PSMC3IP: variants seen among roughly 807,000 people sequenced by gnomAD.
PSMC3IP encodes PSMC3 interacting protein, also known as homologous-pairing protein 2 homolog.
Under a neutral mutation model 34.9 loss-of-function variants are expected in PSMC3IP, and 26 were observed. The observed-to-expected ratio is 0.74, with a 90% CI of 0.55 to 1.03. The LOEUF (loss-of-function observed/expected upper bound fraction) is 1.03. Among genes scored for constraint, PSMC3IP ranks in the 50% least tolerant of loss-of-function variants. The pLI, the probability that PSMC3IP is intolerant of heterozygous loss-of-function variation, is 0.00. For synonymous variants in PSMC3IP, 87 were observed against 96.5 expected, an observed-to-expected ratio of 0.90 and a Z score of 0.57; for missense variants, 250 against 263.1, an observed-to-expected ratio of 0.95 and a Z score of 0.34.
chr17:42,577,676 C>G lies in PSMC3IP; in HGVS notation c.11G>C (p.Gly4Ala), dbSNP rs1275575754. Residue 4 changes from glycine (G) to alanine (A), a missense_variant, in exon 1 of 8, where the codon GGC (glycine) becomes GCC (alanine). Coordinates refer to ENST00000393795, the MANE Select transcript of PSMC3IP (RefSeq NM_016556.4). Reference protein sequence around the residue: MSKGRAEAAAGAAG... With the variant: MSKARAEAAAGAAG... Reference sequence around the variant, plus strand: ...ACCTCCCGCCGCAGCTTCTGCCCGGCCTTTACTCATCGCCTTTCCCGCCAC... The same window carrying G: ...ACCTCCCGCCGCAGCTTCTGCCCGGGCTTTACTCATCGCCTTTCCCGCCAC... 1.2e-6 allele frequency: 2 copies of G among 1,614,158 alleles called. No individual in the cohort carries two copies. Among genetic ancestry groups the G allele is most frequent in the Admixed American group, 3.3e-5 (2 of 60,022 alleles).
At chr17:42,573,387 T>C (rs777940007) in intron 5 of PSMC3IP, 23 bp from the exon 6 acceptor site, 2 of 1,614,176 alleles carry the variant, frequency 1.2e-6, no homozygotes, top group Admixed American at 3.3e-5. Context: ...AGCAAGTTCC[T>C]CTAACTCCTC....
rs768597835 is a variant in PSMC3IP at position 42,572,908 on chromosome 17, T to C, written c.*60A>G. The C allele has an allele frequency of 6.3e-7, 1 of 1,586,632 alleles. No individual in the cohort carries two copies. The highest frequency in any genetic ancestry group is 1.7e-5 in the Admixed American group (1 of 59,990). On this transcript the variant is annotated 3_prime_UTR_variant, in exon 8 of 8. Transcript: ENST00000393795. Reference sequence around the variant, plus strand: ...AGCCAACCAAAAACAAGGTAGCCAGTGCAAGACATCTCACTCTTCTGACAT... The same window carrying C: ...AGCCAACCAAAAACAAGGTAGCCAGCGCAAGACATCTCACTCTTCTGACAT...
Position 42,572,841 on chromosome 17 carries a change from A to T in PSMC3IP, c.*127T>A. The T allele has an allele frequency of 8.8e-7, 1 of 1,141,840 alleles. No individual in the cohort carries two copies. The highest frequency in any genetic ancestry group is 1.3e-6 in the Non-Finnish European group (1 of 766,920). The allele number at this position is 1,141,840 out of a possible 1,614,324, so 70.7% of individuals were successfully genotyped here. A position where few individuals can be genotyped will look rare whatever the true frequency, so the allele number is the denominator to read the frequency against. On this transcript the variant is annotated 3_prime_UTR_variant, in exon 8 of 8. Transcript: ENST00000393795. The stretch of plus-strand genomic sequence containing the variant: ...TGCTCTGGTTTATGCTTGTCTCCTG[A>T]CTGCTCTGCTTAAAGGTGAAAGTAG...
chr17:42,572,781 A>T lies in PSMC3IP; in HGVS notation c.*187T>A. The stretch of plus-strand genomic sequence containing the variant: ...TTAGACAATGAAATGGGCTGGGTCT[A>T]CCCCCAGCCACCAGCCCTCATCCTC... On this transcript the variant is annotated 3_prime_UTR_variant, in exon 8 of 8. Coordinates refer to ENST00000393795, the MANE Select transcript of PSMC3IP (RefSeq NM_016556.4). 1.4e-6 allele frequency: 1 copy of T among 722,834 alleles called. No homozygotes were observed. Among genetic ancestry groups the T allele is most frequent in the East Asian group, 2.7e-5 (1 of 36,980 alleles). The allele number at this position is 722,834 out of a possible 1,614,324, so 44.8% of individuals were successfully genotyped here. A position where few individuals can be genotyped will look rare whatever the true frequency, so the allele number is the denominator to read the frequency against.
chr17:42,575,512 A>G (rs867840935), intron 3 of PSMC3IP, among the ~76,000 whole-genome samples: 2 of 152,324 alleles, frequency 1.3e-5, no homozygotes, highest in Middle Eastern at 3.4e-3. Flanking sequence ...TTATCTTTAG[A>G]TGAGTAACAC....
At position 42,572,576 on chromosome 17, in the gene PSMC3IP, CCT is replaced by C. The variant is rs1240808244; in HGVS notation, c.*390_*391del. 4.4e-6 allele frequency: 2 copies of C among 453,612 alleles called. No individual in the cohort carries two copies. The highest frequency in any genetic ancestry group is 4.7e-5 in the Admixed American group (2 of 42,452). The allele number at this position is 453,612 out of a possible 1,614,324, so 28.1% of individuals were successfully genotyped here. A position where few individuals can be genotyped will look rare whatever the true frequency, so the allele number is the denominator to read the frequency against. On this transcript the variant is annotated 3_prime_UTR_variant, in exon 8 of 8. Coordinates refer to ENST00000393795, the MANE Select transcript of PSMC3IP (RefSeq NM_016556.4). ...CCTCCAAATGCTCGTTTTATAGCAACCTCTCTCTACCCTAGTTCTCCAAATTC... is the reference window on the plus strand; with the variant it reads ...CCTCCAAATGCTCGTTTTATAGCAACCTCTCTACCCTAGTTCTCCAAATTC...
intron 3 of PSMC3IP, among the ~76,000 whole-genome samples, chr17:42,574,697 TTTCC>T: frequency 7.6e-6 from 1 of 131,582 alleles, no homozygotes; most frequent in Non-Finnish European, 1.7e-5. Context: ...TTCCTTCCTT[TTTCC>T]TCCCTCCCTC....
chr17:42,576,460 G>A (rs961327919), intron 3 of PSMC3IP, among the ~76,000 whole-genome samples: 8 of 152,122 alleles, frequency 5.3e-5, no homozygotes, highest in Admixed American at 3.9e-4. Context: ...TAAAGAGGGC[G>A]TGAACTAGAG....
chr17:42,573,678 T>C, intron 4 of PSMC3IP, 55 bp from the exon 5 acceptor site: 1 of 1,599,010 alleles, frequency 6.3e-7, no homozygotes, highest in Non-Finnish European at 8.6e-7. Context: ...GAGTTCTGTC[T>C]TTCCCAGTGG....
chr17:42,576,471 C>T (rs1183306085), intron 3 of PSMC3IP, among the ~76,000 whole-genome samples: 2 of 152,042 alleles, frequency 1.3e-5, no homozygotes, highest in East Asian at 3.9e-4. Flanking sequence ...TGAACTAGAG[C>T]AACCATGGCA....
Position 42,573,541 on chromosome 17 carries a change from G to A in PSMC3IP, c.420C>T (p.Tyr140=), listed in dbSNP as rs757347250. ...CTTTAATGTTCTTCAATCTCTCTCT[G>A]TAGCCAGCGCATTCCTTCTTTAACT... The part of the protein sequence containing the change: ...IQELKKECAG[Y]RERLKNIKAA... The change falls in exon 5 of 8, where the codon TAC becomes TAT. Residue 140 remains tyrosine (Y), a synonymous_variant. Transcript: ENST00000393795. 6.2e-7 allele frequency: 1 copy of A among 1,614,164 alleles called. No homozygotes were observed.
rs749186742 is a variant in PSMC3IP at position 42,572,905 on chromosome 17, C to T, written c.*63G>A. 5.1e-6 allele frequency: 8 copies of T among 1,573,954 alleles called. No homozygotes were observed. The highest frequency in any genetic ancestry group is 8.7e-7 in the Non-Finnish European group (1 of 1,145,134). On this transcript the variant is annotated 3_prime_UTR_variant, in exon 8 of 8. Transcript: ENST00000393795. ...AAAAGCCAACCAAAAACAAGGTAGC[C>T]AGTGCAAGACATCTCACTCTTCTGA...
chr17:42,575,009 C>T (rs1342568447), intron 3 of PSMC3IP, among the ~76,000 whole-genome samples: 1 of 152,210 alleles, frequency 6.6e-6, no homozygotes, highest in Non-Finnish European at 1.5e-5. Flanking sequence ...CCGCCTCAGC[C>T]TCCCAAAGTG....
At chr17:42,576,516 T>C (rs907575124) in intron 3 of PSMC3IP, among the ~76,000 whole-genome samples, 2 of 151,910 alleles carry the variant, frequency 1.3e-5, no homozygotes, top group African/African-American at 4.8e-5. Context: ...AATGGAAAAA[T>C]TAGCCAGGCT....
At chr17:42,574,015 T>G in intron 4 of PSMC3IP, 84 bp downstream of exon 4, 1 of 1,577,646 alleles carries the variant, frequency 6.3e-7, no homozygotes, top group Non-Finnish European at 8.6e-7. Flanking sequence ...GATGCTGCAG[T>G]CATTGAACCA....
intron 3 of PSMC3IP, 59 bp downstream of exon 3, chr17:42,577,151 CAGG>C (rs773162026): frequency 9.3e-6 from 15 of 1,611,554 alleles, no homozygotes; most frequent in South Asian, 1.1e-5. Context: ...GAGTTCACAC[CAGG>C]AGTAGATTCA....
In PSMC3IP at chr17:42,574,147, T is replaced by C. The variant is rs886269423; in HGVS notation, c.289A>G (p.Thr97Ala). ...QVLDGKIVAL[T>A]AKVQSLQQSC... Reference sequence around the variant, plus strand: ...TGCTGCAAGCTCTGCACCTTAGCAGTGAGGGCCACGATTTTGCCATCTAGG... The same window carrying C: ...TGCTGCAAGCTCTGCACCTTAGCAGCGAGGGCCACGATTTTGCCATCTAGG... Residue 97 changes from threonine to alanine, a missense_variant, in exon 4 of 8, where the codon ACT (threonine) becomes GCT (alanine). Coordinates refer to ENST00000393795, the MANE Select transcript of PSMC3IP (RefSeq NM_016556.4). The C allele has an allele frequency of 6.2e-7, 1 of 1,614,148 alleles. No homozygotes were observed. Among genetic ancestry groups the C allele is most frequent in the East Asian group, 2.2e-5 (1 of 44,878 alleles).
At position 42,573,120 on chromosome 17, in the gene PSMC3IP, T is replaced by A. The variant is rs1239330186; in HGVS notation, c.584A>T (p.Lys195Met). The A allele has an allele frequency of 5.0e-6, 8 of 1,614,148 alleles. 1 individual carries two copies. In the Admixed American group the frequency reaches 8.3e-5, roughly 17 times the overall value. Residue 195 changes from lysine to methionine, a missense_variant, in exon 7 of 8, where the codon AAG becomes ATG. Transcript: ENST00000393795. ...AGCTCCACTTACAAAGAACTGCTTCTTGCTCTTGGGGTATCCTTCAAGTAT... is the reference window on the plus strand; with the variant it reads ...AGCTCCACTTACAAAGAACTGCTTCATGCTCTTGGGGTATCCTTCAAGTAT... ...DAILEGYPKS[K>M]KQFFEEVGIE...
Position 42,573,299 on chromosome 17 carries a change from C to T in PSMC3IP, c.537+12G>A. The stretch of plus-strand genomic sequence containing the variant: ...ACCTCCAGGGCCTGTCTCGGAGCTC[C>T]CACACACTTACCATCCTCTTCCTCT... On this transcript the variant is annotated intron_variant, in intron 6 of 7. Coordinates refer to ENST00000393795, the MANE Select transcript of PSMC3IP (RefSeq NM_016556.4). 6.2e-7 allele frequency: 1 copy of T among 1,614,118 alleles called. No individual in the cohort carries two copies. Among genetic ancestry groups the T allele is most frequent in the Non-Finnish European group, 8.5e-7 (1 of 1,180,024 alleles).
Sources: allele counts gnomAD v4.1 joint callset (sites outside exome capture counted in the v4.1 genomes callset), GRCh38; gene constraint gnomAD v4.1.1; transcripts MANE v1.5; gene names NCBI Gene and HGNC (gene_info 2026-07-23, HGNC 2026-07-21).